Variants in ZFPM1 observed in about 807,000 individuals in gnomAD.
The protein encoded by ZFPM1 is zinc finger protein ZFPM1.
In ZFPM1, 28 loss-of-function variants were observed where a neutral mutation model predicts 46.3. The observed-to-expected ratio is 0.60, with a 90% CI of 0.45 to 0.83. The LOEUF is 0.83. ZFPM1 is among the 40% of genes least tolerant of loss of function. The pLI, the probability that ZFPM1 is intolerant of heterozygous loss-of-function variation, is 0.00. For synonymous variants in ZFPM1, 957 were observed against 675.9 expected (o/e 1.42, Z -6.45); for missense variants, 1,878 against 1,432.4 (o/e 1.31, Z -5.02).
chr16:88,528,500 C>T (rs1008266889), intron 6 of ZFPM1, among the ~76,000 whole-genome samples: 3 of 152,358 alleles, frequency 2.0e-5, no homozygotes, highest in South Asian at 4.1e-4. Context: ...CGGCTCTGCC[C>T]CGCACACCAC....
chr16:88,460,539 G>T (rs1023385590), intron 1 of ZFPM1, among the ~76,000 whole-genome samples: 5 of 152,200 alleles, frequency 3.3e-5, no homozygotes, highest in African/African-American at 9.6e-5. Flanking sequence ...AGATGGTCTG[G>T]TCCTGCCCTC....
intron 1 of ZFPM1, among the ~76,000 whole-genome samples, chr16:88,476,745 T>G (rs1908704483): frequency 6.6e-6 from 1 of 152,142 alleles, no homozygotes; most frequent in Non-Finnish European, 1.5e-5. Flanking sequence ...TCCAGGCTGT[T>G]GGCACCGAGG....
chr16:88,498,623 C>T (rs942356051), intron 3 of ZFPM1, among the ~76,000 whole-genome samples: 1 of 152,186 alleles, frequency 6.6e-6, no homozygotes, highest in African/African-American at 2.4e-5. Context: ...GCTGAGCCGA[C>T]GTTTGAGTTC....
intron 2 of ZFPM1, among the ~76,000 whole-genome samples, 174 bp from the exon 3 acceptor site, chr16:88,488,857 G>T (rs998247059): frequency 2.6e-5 from 4 of 152,212 alleles, no homozygotes; most frequent in Admixed American, 2.6e-4. Flanking sequence ...AGAGCAAGAG[G>T]AAAACTTGGA....
At chr16:88,465,166 C>G (rs567367442) in intron 1 of ZFPM1, among the ~76,000 whole-genome samples, 1 of 152,360 alleles carries the variant, frequency 6.6e-6, no homozygotes, top group South Asian at 2.1e-4. Flanking sequence ...GGCCTCTGCA[C>G]AGACCCCGTG....
intron 1 of ZFPM1, among the ~76,000 whole-genome samples, chr16:88,478,268 C>A (rs1296206867): frequency 6.6e-6 from 1 of 152,236 alleles, no homozygotes; most frequent in Non-Finnish European, 1.5e-5. Context: ...TAGGGCTCTG[C>A]TCTAGTAAGC....
intron 3 of ZFPM1, among the ~76,000 whole-genome samples, chr16:88,508,301 A>G (rs1042894787): frequency 6.6e-6 from 1 of 152,190 alleles, no homozygotes; most frequent in Non-Finnish European, 1.5e-5. Flanking sequence ...TGTCTCAAAA[A>G]AAAAGAAAGA....
At chr16:88,528,951 C>T (rs1912561988) in intron 6 of ZFPM1, among the ~76,000 whole-genome samples, 1 of 152,148 alleles carries the variant, frequency 6.6e-6, no homozygotes, top group Admixed American at 6.5e-5. Flanking sequence ...CAGTGGCTCT[C>T]TCGGAAACTC....
At chr16:88,506,896 C>T (rs143656797) in intron 3 of ZFPM1, among the ~76,000 whole-genome samples, 30 of 152,344 alleles carry the variant, frequency 2.0e-4, no homozygotes, top group Non-Finnish European at 2.8e-4. Flanking sequence ...GCGTCTCATC[C>T]GCCTGCGGCT....
intron 3 of ZFPM1, among the ~76,000 whole-genome samples, chr16:88,507,663 G>C (rs1325153121): frequency 6.6e-6 from 1 of 152,210 alleles, no homozygotes; most frequent in Non-Finnish European, 1.5e-5. Flanking sequence ...ATGCCATCCA[G>C]CTCCGGCAGA....
chr16:88,509,444 C>T (rs1419998809), intron 3 of ZFPM1, among the ~76,000 whole-genome samples: 5 of 152,208 alleles, frequency 3.3e-5, no homozygotes, highest in African/African-American at 7.2e-5. Flanking sequence ...AGACTACCAG[C>T]CATTAGGCAC....
upstream of ZFPM1, among the ~76,000 whole-genome samples, chr16:88,452,382 G>C (rs1350642887): frequency 1.3e-5 from 2 of 152,214 alleles, no homozygotes; most frequent in African/African-American, 4.8e-5. Context: ...CCCGGGCGCT[G>C]TGGGCAACTC....
chr16:88,489,042 C>T lies in ZFPM1; in HGVS notation c.157C>T (p.Pro53Ser), dbSNP rs1427092140. 7 of 1,612,610 alleles carry T rather than the reference C, an allele frequency of 4.3e-6. No homozygotes were observed. Among genetic ancestry groups the T allele is most frequent in the Middle Eastern group, 1.7e-4 (1 of 6,056 alleles). Reference protein sequence around the residue: ...PSPPSADVNSPPPLPPPTSPG... With the variant: ...PSPPSADVNSSPPLPPPTSPG... Reference sequence around the variant, plus strand: ...TTTCCTCTCTGCAGATGTTAACTCACCCCCACCGCTGCCGCCCCCCACATC... The same window carrying T: ...TTTCCTCTCTGCAGATGTTAACTCATCCCCACCGCTGCCGCCCCCCACATC... The change falls in exon 3 of 10, where the codon CCC becomes TCC. Residue 53 changes from proline (P) to serine (S), a missense_variant. Coordinates refer to ENST00000319555, the MANE Select transcript of ZFPM1 (RefSeq NM_153813.3).
chr16:88,455,783 G>T (rs915062602), intron 1 of ZFPM1, among the ~76,000 whole-genome samples: 1 of 152,198 alleles, frequency 6.6e-6, no homozygotes, highest in African/African-American at 2.4e-5. Context: ...ACGTGGGAGC[G>T]GGGGCAGGGC....
chr16:88,520,434 G>GA (rs1286187232), intron 4 of ZFPM1, among the ~76,000 whole-genome samples: 4 of 151,050 alleles, frequency 2.6e-5, no homozygotes, highest in Non-Finnish European at 5.9e-5. Context: ...TGGATAGATG[G>GA]ATGGATAGGT....
Position 88,533,901 on chromosome 16 carries a change from C to A in ZFPM1, c.1943C>A (p.Ala648Asp). ...SPGPGAREEG[A>D]GGAATPEDGA... The stretch of plus-strand genomic sequence containing the variant: ...GGCCCCGGAGCGCGCGAGGAGGGGG[C>A]TGGGGGCGCGGCCACGCCCGAGGAC... Residue 648 changes from alanine (A) to aspartate (D), a missense_variant, in exon 10 of 10, where the codon GCT becomes GAT. Physicochemically the swap from Ala to Asp is moderately radical, Grantham distance 126. Transcript: ENST00000319555. The A allele has an allele frequency of 9.3e-7, 1 of 1,080,796 alleles. No individual in the cohort carries two copies. The highest frequency in any genetic ancestry group is 1.1e-6 in the Non-Finnish European group (1 of 887,722). 67.0% of individuals were successfully genotyped at this position (1,080,796 alleles called of 1,614,324 possible). A position where few individuals can be genotyped will look rare whatever the true frequency, so the allele number is the denominator to read the frequency against.
chr16:88,510,560 A>G (rs1027580782), intron 3 of ZFPM1, among the ~76,000 whole-genome samples: 1 of 152,216 alleles, frequency 6.6e-6, no homozygotes, highest in Non-Finnish European at 1.5e-5. Context: ...TGGCGTGTGC[A>G]GTCTTGTTTG....
intron 4 of ZFPM1, among the ~76,000 whole-genome samples, chr16:88,523,841 C>A (rs552753441): frequency 7.0e-4 from 106 of 152,342 alleles, no homozygotes; most frequent in African/African-American, 2.5e-3. Context: ...CCTCCTTCCC[C>A]CTGCCCCTCC....
At chr16:88,501,200 G>A (rs189294993) in intron 3 of ZFPM1, among the ~76,000 whole-genome samples, 17 of 119,052 alleles carry the variant, frequency 1.4e-4, no homozygotes, top group East Asian at 6.3e-4. Context: ...TCCCGCAGGT[G>A]CTGGTGATGA....
Sources: gnomAD v4.1 joint callset for allele counts (sites outside exome capture counted in the v4.1 genomes callset) on GRCh38, gnomAD v4.1.1 for gene constraint, MANE v1.5 for transcripts, NCBI Gene and HGNC (gene_info 2026-07-23, HGNC 2026-07-21) for gene names.